FAM53A: variants seen among roughly 807,000 people sequenced by gnomAD.
The protein encoded by FAM53A is protein FAM53A.
A neutral mutation model predicts 26.6 loss-of-function variants in FAM53A; 28 were observed. The ratio of observed to expected loss-of-function variants is 1.05; its 90% CI spans 0.78 to 1.45. The LOEUF is 1.45. FAM53A is among the 40% of genes most tolerant of loss of function. The pLI, the probability that FAM53A is intolerant of heterozygous loss-of-function variation, is 0.00. For synonymous variants in FAM53A, 290 were observed against 253.1 expected, an observed-to-expected ratio of 1.15 and a Z score of -1.38; for missense variants, 650 against 575.8, an observed-to-expected ratio of 1.13 and a Z score of -1.32.
chr4:1,676,047 CTG>C (rs1239080407), intron 1 of FAM53A, among the ~76,000 whole-genome samples: 2 of 152,276 alleles, frequency 1.3e-5, no homozygotes, highest in Non-Finnish European at 2.9e-5. Context: ...TTCGATTTTT[CTG>C]TGTTTTAATT....
Position 1,630,832 on chromosome 4 carries a change from G to A in FAM53A, c.432-12721C>T, listed in dbSNP as rs1024633003. On this transcript the variant is annotated intron_variant, in intron 1 of 1. Transcript: ENST00000489029. The surrounding 1 kb of genome is among the most constrained non-coding windows in gnomAD (Gnocchi z 4.3). ...AAATGGTTTGGAACCAGAGAGAGGC[G>A]GTGTCTGCACCATCTCACGAATGTA... 2.6e-5 allele frequency among the ~76,000 whole-genome samples: 4 copies of A among 152,178 alleles called. No homozygotes were observed. Among genetic ancestry groups the A allele is most frequent in the African/African-American group, 7.2e-5 (3 of 41,448 alleles).
intron 4 of FAM53A, among the ~76,000 whole-genome samples, chr4:1,641,891 C>T (rs1050982968): frequency 6.6e-6 from 1 of 152,170 alleles, no homozygotes; most frequent in East Asian, 1.9e-4. Context: ...CCAGACCCAA[C>T]GGACCAGGTT....
intron 1 of FAM53A, among the ~76,000 whole-genome samples, chr4:1,625,016 A>G (rs375567735): frequency 0.033 from 2,516 of 77,286 alleles, 36 homozygotes; most frequent in African/African-American, 0.1. Flanking sequence ...CCCACGTCCC[A>G]GCCCACGTGG....
chr4:1,681,692 G>A (rs1715452717), intron 1 of FAM53A, among the ~76,000 whole-genome samples: 3 of 151,468 alleles, frequency 2.0e-5, no homozygotes, highest in Admixed American at 2.0e-4. Context: ...TGTAGAAATG[G>A]GGGTCTCACT....
the FAM53A span, among the ~76,000 whole-genome samples, chr4:1,608,788 C>T: frequency 6.6e-6 from 1 of 152,198 alleles, no homozygotes; most frequent in Non-Finnish European, 1.5e-5. Context: ...CCAAGCTGAA[C>T]AATGCAATAC....
At chr4:1,646,719 T>G (rs1712278912) in intron 4 of FAM53A, among the ~76,000 whole-genome samples, 1 of 152,132 alleles carries the variant, frequency 6.6e-6, no homozygotes, top group Non-Finnish European at 1.5e-5. Flanking sequence ...AGCTTGTCCT[T>G]AGGTTCTAGC....
chr4:1,575,653 G>C, the FAM53A span, among the ~76,000 whole-genome samples: 1 of 152,248 alleles, frequency 6.6e-6, no homozygotes, highest in Admixed American at 6.5e-5. Flanking sequence ...ATGATACTGA[G>C]TGGCAGAGGA....
chr4:1,672,346 AT>A (rs201229768), intron 1 of FAM53A, among the ~76,000 whole-genome samples: 5 of 137,340 alleles, frequency 3.6e-5, no homozygotes, highest in Non-Finnish European at 6.1e-5. Flanking sequence ...CCATAGACCC[AT>A]GGACCCAGGA....
chr4:1,641,680 C>T (rs1711736598), intron 4 of FAM53A, 73 bp from the exon 5 acceptor site: 3 of 1,520,020 alleles, frequency 2.0e-6, no homozygotes, highest in Non-Finnish European at 2.7e-6. Context: ...ACCAACCCAT[C>T]GAGGGCTCGG....
chr4:1,658,203 G>T (rs531449285), intron 2 of FAM53A, among the ~76,000 whole-genome samples: 1 of 151,078 alleles, frequency 6.6e-6, no homozygotes, highest in Admixed American at 6.6e-5. Flanking sequence ...TATATTTTTC[G>T]TAGAGACAGG....
chr4:1,616,750 G>T (rs144173698), downstream of FAM53A, among the ~76,000 whole-genome samples: 1 of 152,230 alleles, frequency 6.6e-6, no homozygotes. Flanking sequence ...GCTTCGGTCT[G>T]TCCCGCGGAG....
In FAM53A at chr4:1,641,433, A is replaced by G. The variant is rs145316076; in HGVS notation, c.1057T>C (p.Trp353Arg). ...LRTSPVHPNLWASRESVTSDG... is the reference protein window; with the variant it reads ...LRTSPVHPNLRASRESVTSDG... ...CTGGTCACCGACTCCCTAGAGGCCC[A>G]CAGGTTGGGGTGGACAGGGCTGGTC... Residue 353 changes from tryptophan (W) to arginine (R), a missense_variant, in exon 5 of 5, where the codon TGG becomes CGG. Physicochemically the swap from Trp to Arg is moderately radical, Grantham distance 101 (BLOSUM62 -3). Transcript: ENST00000308132. The G allele has an allele frequency of 2.5e-6, 4 of 1,613,006 alleles. No homozygotes were observed. Among genetic ancestry groups the G allele is most frequent in the Non-Finnish European group, 3.4e-6 (4 of 1,179,622 alleles).
chr4:1,628,868 A>C (rs1265304184), intron 1 of FAM53A, among the ~76,000 whole-genome samples: 3 of 150,670 alleles, frequency 2.0e-5, no homozygotes, highest in Non-Finnish European at 4.4e-5. Context: ...ACTTGCACTA[A>C]GACTCCCCAG....
At chr4:1,592,407 A>G in the FAM53A span, among the ~76,000 whole-genome samples, 2 of 152,182 alleles carry the variant, frequency 1.3e-5, no homozygotes, top group South Asian at 2.1e-4. Context: ...GATTACCCCC[A>G]AAGTCCCGGA....
intron 1 of FAM53A, among the ~76,000 whole-genome samples, chr4:1,620,901 G>C (rs560827879): frequency 6.6e-6 from 1 of 152,146 alleles, no homozygotes; most frequent in Admixed American, 6.5e-5. Context: ...GGCTGGGATC[G>C]GGTCCCCAGG....
chr4:1,575,695 G>A, the FAM53A span, among the ~76,000 whole-genome samples: 1 of 152,132 alleles, frequency 6.6e-6, no homozygotes, highest in African/African-American at 2.4e-5. Flanking sequence ...CCCAGGAAAT[G>A]GCCTGGCACC....
chr4:1,682,253 T>G (rs1244631998), intron 1 of FAM53A, among the ~76,000 whole-genome samples: 2 of 148,724 alleles, frequency 1.3e-5, no homozygotes, highest in African/African-American at 5.0e-5. Context: ...TATATAAAAA[T>G]TTTTAATTTC....
At chr4:1,684,601 A>G (rs1171776260), upstream of FAM53A, among the ~76,000 whole-genome samples, 3 of 151,802 alleles carry the variant, frequency 2.0e-5, no homozygotes, top group Admixed American at 6.6e-5. Context: ...CCTAGAAGGC[A>G]AGACCTGTGG....
the FAM53A span, among the ~76,000 whole-genome samples, chr4:1,594,834 C>T: frequency 6.6e-6 from 1 of 151,988 alleles, no homozygotes; most frequent in Non-Finnish European, 1.5e-5. Flanking sequence ...CAGAGCAAGA[C>T]CCTGTCTCTT....
Sources: gnomAD v4.1 joint callset for allele counts (sites outside exome capture counted in the v4.1 genomes callset) on GRCh38, gnomAD v4.1.1 for gene constraint, Gnocchi (gnomAD v3.1) non-coding constraint, MANE v1.5 for transcripts, NCBI Gene and HGNC (gene_info 2026-07-23, HGNC 2026-07-21) for gene names.